The following RPS11 variants were observed in gnomAD, a reference collection of about 807,000 sequenced individuals.
The protein encoded by RPS11 is ribosomal protein S11.
For missense variants in RPS11, 127 were observed against 211.4 expected, an observed-to-expected ratio of 0.60 and a Z score of 2.48; for synonymous variants, 107 against 78.0, an observed-to-expected ratio of 1.37 and a Z score of -1.96.
chr19:49,497,791 A>G (rs755194247), intron 3 of RPS11, 126 bp from the exon 4 acceptor site: 9 of 1,412,550 alleles, frequency 6.4e-6, no homozygotes, highest in African/African-American at 4.2e-5. Flanking sequence ...CCACTTGGTA[A>G]AACTGATGCC....
At position 49,496,460 on chromosome 19, in the gene RPS11, G is replaced by T; in HGVS notation, c.4G>T (p.Ala2Ser). The stretch of plus-strand genomic sequence containing the variant: ...TTTTTTTCAGGCGGCCGGGAAGATG[G>T]CGGACATTCAGGTGCGGACTCGGGG... M[A>S]DIQTERAYQK... The change falls in exon 1 of 5, where the codon GCG becomes TCG. Residue 2 changes from alanine to serine, a missense_variant. Transcript: ENST00000270625. The T allele has an allele frequency of 6.2e-7, 1 of 1,612,344 alleles. No individual in the cohort carries two copies. Among genetic ancestry groups the T allele is most frequent in the Non-Finnish European group, 8.5e-7 (1 of 1,179,314 alleles).
intron 4 of RPS11, among the ~76,000 whole-genome samples, chr19:49,499,234 T>C (rs2079922581): frequency 6.6e-6 from 1 of 152,154 alleles, no homozygotes; most frequent in African/African-American, 2.4e-5. Context: ...GTGAGGCTGC[T>C]GACAACTTGG....
rs373575877 is a variant in RPS11, at chr19:49,497,918, C to T, written c.225C>T (p.Gly75=). The change falls in exon 4 of 5, where the codon GGC becomes GGT. Residue 75 remains glycine, a splice_region_variant and synonymous_variant. Transcript: ENST00000270625. The part of the protein sequence containing the change: ...NVSIRGRILS[G]VVTKMKMQRT... ...CCTATGATCGGCCCCCGCTCCTAGG[C>T]GTGGTGACCAAGATGAAGATGCAGA... is the stretch of plus-strand genomic sequence containing the variant. The T allele has an allele frequency of 2.3e-5, 37 of 1,614,016 alleles. No homozygotes were observed. Among genetic ancestry groups the T allele is most frequent in the Non-Finnish European group, 3.1e-5 (36 of 1,180,024 alleles).
At chr19:49,496,495 A>C (rs769437537) in intron 1 of RPS11, 24 bp downstream of exon 1, 28 of 1,606,532 alleles carry the variant, frequency 1.7e-5, no homozygotes, top group East Asian at 4.6e-5. Context: ...GTTGGATGCC[A>C]GGGTGCGGGG....
intron 4 of RPS11, 109 bp downstream of exon 4, chr19:49,498,155 C>T: frequency 8.2e-7 from 1 of 1,215,526 alleles, no homozygotes. Flanking sequence ...GAGGTGGCAT[C>T]TCTGGGAAGC....
At chr19:49,497,814 T>G in intron 3 of RPS11, 103 bp from the exon 4 acceptor site, 1 of 1,528,960 alleles carries the variant, frequency 6.5e-7, no homozygotes, top group Non-Finnish European at 9.1e-7. Flanking sequence ...AAATGGGGCT[T>G]TTTGGGATCC....
At chr19:49,496,772 G>T (rs1022249822) in intron 1 of RPS11, among the ~76,000 whole-genome samples, 1 of 152,014 alleles carries the variant, frequency 6.6e-6, no homozygotes, top group African/African-American at 2.4e-5. Flanking sequence ...TGTGGAAACG[G>T]ACTCCTAAGG....
rs755965985 is a variant in RPS11, at chr19:49,497,533, C to G, written c.161C>G (p.Thr54Ser). The G allele has an allele frequency of 1.2e-6, 2 of 1,613,742 alleles. No homozygotes were observed. Among genetic ancestry groups the G allele is most frequent in the Admixed American group, 1.7e-5 (1 of 59,996 alleles). The change falls in exon 3 of 5, where the codon ACC (threonine) becomes AGC (serine). Residue 54 changes from threonine to serine, a missense_variant. Physicochemically the swap from Thr to Ser is moderately conservative, Grantham distance 58. Transcript: ENST00000270625. ...FKTPKEAIEG[T>S]YIDKKCPFTG... ...CTATCCTTTCAGGCTATTGAGGGCA[C>G]CTACATTGACAAGAAATGCCCCTTC...
At position 49,497,302 on chromosome 19, in the gene RPS11, C is replaced by T. The variant is rs2078207125; in HGVS notation, c.124C>T (p.Leu42=). 6 of 1,614,000 alleles carry T rather than the reference C, an allele frequency of 3.7e-6. No individual in the cohort carries two copies. Among genetic ancestry groups the T allele is most frequent in the Non-Finnish European group, 5.1e-6 (6 of 1,180,040 alleles). The change falls in exon 2 of 5, where the codon CTG becomes TTG. Residue 42 remains leucine, a synonymous_variant. Transcript: ENST00000270625. The part of the protein sequence containing the change: ...KLPRYYKNIG[L]GFKTPKEAIE... The stretch of plus-strand genomic sequence containing the variant: ...CCCGCGGTACTACAAGAACATCGGT[C>T]TGGGCTTCAAGACACCCAAGGAGGT...
intron 4 of RPS11, 30 bp downstream of exon 4, chr19:49,498,076 G>C (rs376456320): frequency 3.2e-5 from 52 of 1,611,174 alleles, no homozygotes; most frequent in African/African-American, 1.9e-4. Flanking sequence ...AGGTTGCTCA[G>C]GCCACGCTCT....
chr19:49,498,838 C>T (rs959045791), intron 4 of RPS11, among the ~76,000 whole-genome samples: 1 of 152,120 alleles, frequency 6.6e-6, no homozygotes, highest in Non-Finnish European at 1.5e-5. Flanking sequence ...GCGTTTGAAC[C>T]AAAAGGTTAG....
In RPS11 at chr19:49,497,896, A is replaced by G. The variant is rs146046084; in HGVS notation, c.224-21A>G. On this transcript the variant is annotated intron_variant, in intron 3 of 4. Coordinates refer to ENST00000270625, the MANE Select transcript of RPS11 (RefSeq NM_001015.5). ...CCCTCTTTCCCATGGGACCTGACCT[A>G]TGATCGGCCCCCGCTCCTAGGCGTG... 148 of 1,613,968 alleles carry G rather than the reference A, an allele frequency of 9.2e-5. No individual in the cohort carries two copies. The African/African-American group carries it at 1.1e-3, about 12-fold the overall frequency.
chr19:49,499,337 G>T (rs1397366752), intron 4 of RPS11, among the ~76,000 whole-genome samples, 175 bp from the exon 5 acceptor site: 1 of 152,204 alleles, frequency 6.6e-6, no homozygotes, highest in African/African-American at 2.4e-5. Context: ...TGAGCTTGGT[G>T]CTTGGCACAA....
rs753067342 is a variant in RPS11 at position 49,499,541 on chromosome 19, T to C, written c.383T>C (p.Val128Ala). The C allele has an allele frequency of 2.5e-6, 4 of 1,613,750 alleles. No individual in the cohort carries two copies. In the Admixed American group the frequency reaches 5.0e-5, roughly 20 times the overall value. The change falls in exon 5 of 5, where the codon GTG becomes GCG. Residue 128 changes from valine to alanine, a missense_variant. Val to Ala is a moderately conservative substitution (Grantham distance 64). Coordinates refer to ENST00000270625, the MANE Select transcript of RPS11 (RefSeq NM_001015.5). ...GTCCAGATCGGTGACATCGTCACAG[T>C]GGGCGAGTGCCGGCCTCTGAGCAAG... is the stretch of plus-strand genomic sequence containing the variant. ...RDVQIGDIVT[V>A]GECRPLSKTV...
chr19:49,498,272 G>A (rs1033169146), intron 4 of RPS11: 17 of 548,906 alleles, frequency 3.1e-5, no homozygotes, highest in Admixed American at 6.2e-5. Flanking sequence ...GAATGTTCTC[G>A]CATACATAGT....
chr19:49,497,472 G>A, intron 2 of RPS11, 48 bp from the exon 3 acceptor site: 1 of 1,606,844 alleles, frequency 6.2e-7, no homozygotes, highest in Non-Finnish European at 8.5e-7. Context: ...GCTCTTTTAA[G>A]GAACCGCCCG....
chr19:49,497,302 C>G lies in RPS11; in HGVS notation c.124C>G (p.Leu42Val). ...CCCGCGGTACTACAAGAACATCGGT[C>G]TGGGCTTCAAGACACCCAAGGAGGT... ...KLPRYYKNIG[L>V]GFKTPKEAIE... Residue 42 changes from leucine to valine, a missense_variant, in exon 2 of 5, where the codon CTG (leucine) becomes GTG (valine). Leu to Val is a conservative substitution (Grantham distance 32). Transcript: ENST00000270625. The G allele has an allele frequency of 1.2e-6, 2 of 1,614,118 alleles. No individual in the cohort carries two copies. Among genetic ancestry groups the G allele is most frequent in the Non-Finnish European group, 8.5e-7 (1 of 1,180,032 alleles).
At chr19:49,499,057 G>A (rs757333274) in intron 4 of RPS11, among the ~76,000 whole-genome samples, 1 of 152,218 alleles carries the variant, frequency 6.6e-6, no homozygotes, top group Non-Finnish European at 1.5e-5. Flanking sequence ...CCAGAATGGG[G>A]ATGTGGGCAG....
chr19:49,497,664 TG>T (rs1295215872), intron 3 of RPS11, 69 bp downstream of exon 3: 2 of 1,430,418 alleles, frequency 1.4e-6, no homozygotes, highest in African/African-American at 2.8e-5. Context: ...CCCAGACTCC[TG>T]GGTCCTGGGT....
Sources: allele counts gnomAD v4.1 joint callset (sites outside exome capture counted in the v4.1 genomes callset), GRCh38; gene constraint gnomAD v4.1.1; transcripts MANE v1.5; gene names NCBI Gene and HGNC (gene_info 2026-07-23, HGNC 2026-07-21).